The following KHDRBS2 variants were observed in gnomAD, a reference collection of about 807,000 sequenced individuals.
The protein encoded by KHDRBS2 is KH RNA binding domain containing, signal transduction associated 2.
A neutral mutation model predicts 44.3 loss-of-function variants in KHDRBS2; 26 were observed. The ratio of observed to expected loss-of-function variants is 0.59; its 90% CI spans 0.43 to 0.81. The LOEUF (loss-of-function observed/expected upper bound fraction) is 0.81, where lower values mean the gene tolerates loss of function less well. Among genes scored for constraint, KHDRBS2 ranks in the 40% least tolerant of loss-of-function variants. The pLI is 0.00. For missense variants in KHDRBS2, 476 were observed against 433.1 expected, an observed-to-expected ratio of 1.10 and a Z score of -0.88; for synonymous variants, 194 against 151.1, an observed-to-expected ratio of 1.28 and a Z score of -2.08.
chr6:61,615,242 A>AAAAAAG, the KHDRBS2 span, among the ~76,000 whole-genome samples: 2 of 148,872 alleles, frequency 1.3e-5, no homozygotes, highest in Non-Finnish European at 3.0e-5. Flanking sequence ...CCAAAAAAAA[A>AAAAAAG]AAAAAAAAAG....
At chr6:61,789,937 C>G (rs984119765) in intron 6 of KHDRBS2, among the ~76,000 whole-genome samples, 8 of 151,240 alleles carry the variant, frequency 5.3e-5, no homozygotes, top group African/African-American at 1.7e-4. Context: ...TTGCAAAATT[C>G]CATGAGATGA....
intron 4 of KHDRBS2, among the ~76,000 whole-genome samples, chr6:61,926,747 T>G (rs1407102390): frequency 6.6e-6 from 1 of 152,072 alleles, no homozygotes; most frequent in Non-Finnish European, 1.5e-5. Context: ...AGGAGATAAT[T>G]TGAAACAAGA....
intron 2 of KHDRBS2, among the ~76,000 whole-genome samples, chr6:62,165,408 T>G (rs1433892875): frequency 6.6e-6 from 1 of 151,356 alleles, no homozygotes; most frequent in Non-Finnish European, 1.5e-5. Context: ...AATAAATTAT[T>G]TATTCATATT....
intron 2 of KHDRBS2, among the ~76,000 whole-genome samples, chr6:62,155,439 A>G (rs1162502819): frequency 6.6e-6 from 1 of 152,216 alleles, no homozygotes; most frequent in African/African-American, 2.4e-5. Flanking sequence ...GGGAAAAGAT[A>G]CAAGTTTAGG....
At chr6:62,262,506 T>C (rs1418852282) in intron 1 of KHDRBS2, among the ~76,000 whole-genome samples, 1 of 151,786 alleles carries the variant, frequency 6.6e-6, no homozygotes, top group Non-Finnish European at 1.5e-5. Flanking sequence ...TATTAATCCA[T>C]ATCATGAAAT....
At chr6:62,196,934 C>G (rs1480349871) in intron 1 of KHDRBS2, among the ~76,000 whole-genome samples, 2 of 152,090 alleles carry the variant, frequency 1.3e-5, no homozygotes, top group Non-Finnish European at 2.9e-5. Context: ...GATGTCTTCT[C>G]TAGCCCAGGT....
intron 1 of KHDRBS2, among the ~76,000 whole-genome samples, chr6:62,245,455 T>C (rs1307467529): frequency 6.6e-6 from 1 of 152,146 alleles, no homozygotes; most frequent in Non-Finnish European, 1.5e-5. Context: ...TTATGTTTGA[T>C]TTTCTTTCTG....
chr6:61,972,517 T>C (rs982619767), intron 4 of KHDRBS2, among the ~76,000 whole-genome samples: 1 of 152,150 alleles, frequency 6.6e-6, no homozygotes, highest in Non-Finnish European at 1.5e-5. Flanking sequence ...TATTAGAATA[T>C]GGTTAGTTAC....
At chr6:61,750,922 A>C (rs1777588534) in intron 6 of KHDRBS2, among the ~76,000 whole-genome samples, 1 of 152,126 alleles carries the variant, frequency 6.6e-6, no homozygotes, top group African/African-American at 2.4e-5. Context: ...AGAATAAGGT[A>C]AATGATGACA....
At chr6:62,161,205 T>C (rs922675285) in intron 2 of KHDRBS2, among the ~76,000 whole-genome samples, 2 of 152,042 alleles carry the variant, frequency 1.3e-5, no homozygotes, top group Non-Finnish European at 2.9e-5. Flanking sequence ...ATAAATAGCA[T>C]ATATTTGAAT....
chr6:61,974,336 A>G (rs1772046898), intron 4 of KHDRBS2, among the ~76,000 whole-genome samples: 1 of 152,144 alleles, frequency 6.6e-6, no homozygotes, highest in Non-Finnish European at 1.5e-5. Context: ...TGGTGTCTGA[A>G]CTATGAAAGA....
At chr6:61,941,646 C>T (rs1308522276) in intron 4 of KHDRBS2, among the ~76,000 whole-genome samples, 1 of 152,054 alleles carries the variant, frequency 6.6e-6, no homozygotes, top group Non-Finnish European at 1.5e-5. Flanking sequence ...AAATCAGAGA[C>T]CGTGGATGCT....
chr6:61,952,099 T>C (rs1764874264), intron 4 of KHDRBS2, among the ~76,000 whole-genome samples: 1 of 152,102 alleles, frequency 6.6e-6, no homozygotes, highest in Admixed American at 6.6e-5. Flanking sequence ...TAAGATTGCA[T>C]AAATATTTTC....
intron 6 of KHDRBS2, among the ~76,000 whole-genome samples, chr6:61,766,822 T>A (rs759349338): frequency 1.3e-5 from 2 of 152,114 alleles, no homozygotes; most frequent in African/African-American, 4.8e-5. Flanking sequence ...CGGTCAGAGA[T>A]GATACTAGAA....
chr6:62,185,662 A>G (rs1823271738), intron 1 of KHDRBS2, among the ~76,000 whole-genome samples: 1 of 151,992 alleles, frequency 6.6e-6, no homozygotes, highest in African/African-American at 2.4e-5. Context: ...TTTATTTTCA[A>G]TGATAATTAA....
intron 2 of KHDRBS2, among the ~76,000 whole-genome samples, chr6:62,090,766 A>T (rs545048085): frequency 1.3e-3 from 201 of 152,074 alleles, no homozygotes; most frequent in Admixed American, 3.1e-3. Flanking sequence ...TTTAAGTGTA[A>T]TTTTTTTCCA....
the KHDRBS2 span, among the ~76,000 whole-genome samples, chr6:61,582,320 C>T: frequency 3.2e-4 from 49 of 151,288 alleles, no homozygotes; most frequent in Non-Finnish European, 5.6e-4. Flanking sequence ...GCCTAGCAGG[C>T]CCATAGAAGA....
At chr6:62,199,857 A>C (rs2150137290) in intron 1 of KHDRBS2, among the ~76,000 whole-genome samples, 1 of 152,318 alleles carries the variant, frequency 6.6e-6, no homozygotes, top group East Asian at 1.9e-4. Context: ...ACAGCAACCA[A>C]AACAGCATGG....
intron 1 of KHDRBS2, among the ~76,000 whole-genome samples, chr6:62,265,456 C>T (rs1839044443): frequency 6.6e-6 from 1 of 151,594 alleles, no homozygotes; most frequent in Non-Finnish European, 1.5e-5. Flanking sequence ...GTATTTGAGA[C>T]ATATCATTAG....
Sources: gnomAD v4.1 joint callset for allele counts (sites outside exome capture counted in the v4.1 genomes callset) on GRCh38, gnomAD v4.1.1 for gene constraint, MANE v1.5 for transcripts, NCBI Gene and HGNC (gene_info 2026-07-23, HGNC 2026-07-21) for gene names.